The following FRMD1 variants were observed in gnomAD, a reference collection of about 807,000 sequenced individuals.
FRMD1 encodes FERM domain-containing protein 1.
FRMD1 carries 51 observed loss-of-function variants against 54.9 expected under a neutral mutation model. The observed-to-expected ratio is 0.93, with a 90% confidence interval of 0.74 to 1.17. FRMD1 has a LOEUF of 1.17. FRMD1 is among the 50% of genes most tolerant of loss of function. The pLI, the probability that FRMD1 is intolerant of heterozygous loss-of-function variation, is 0.00. For missense variants in FRMD1, 729 were observed against 743.0 expected, an observed-to-expected ratio of 0.98 and a Z score of 0.22; for synonymous variants, 324 against 306.4, an observed-to-expected ratio of 1.06 and a Z score of -0.60.
upstream of FRMD1, chr6:168,081,370 C>A (rs772786333): frequency 3.3e-6 from 5 of 1,534,166 alleles, no homozygotes; most frequent in African/African-American, 1.4e-5. Context: ...TCTCGACTGG[C>A]CTGTTCGTGA....
At chr6:168,079,264 C>G, upstream of FRMD1, 1 of 1,307,004 alleles carries the variant, frequency 7.7e-7, no homozygotes. Flanking sequence ...GGACAAGGGT[C>G]AGAGCTGCAA....
intron 5 of FRMD1, 120 bp downstream of exon 5, chr6:168,064,751 T>C (rs1328353004): frequency 2.1e-6 from 3 of 1,456,582 alleles, no homozygotes; most frequent in Non-Finnish European, 2.7e-6. Context: ...TTTCCATCCC[T>C]GACCCTTGCT....
intron 1 of FRMD1, among the ~76,000 whole-genome samples, chr6:168,091,543 C>T (rs1056136869): frequency 2.0e-5 from 3 of 152,214 alleles, no homozygotes; most frequent in Non-Finnish European, 4.4e-5. Flanking sequence ...GCGTCCTCGC[C>T]CTACAGAGCA....
chr6:168,067,328 G>C (rs780847536), intron 3 of FRMD1, 39 bp downstream of exon 3: 1 of 1,357,384 alleles, frequency 7.4e-7, no homozygotes, highest in South Asian at 1.3e-5. Flanking sequence ...ACAGCCCACC[G>C]CGGTGCCTGC....
In FRMD1 at chr6:168,079,181, C is replaced by T. The variant is rs1583208767; in HGVS notation, c.-87G>A. The T allele has an allele frequency of 7.0e-7, 1 of 1,433,568 alleles. No homozygotes were observed. The allele number at this position is 1,433,568 out of a possible 1,614,324, so 88.8% of individuals were successfully genotyped here. On this transcript the variant is annotated 5_prime_UTR_variant, in exon 1 of 11. Coordinates refer to ENST00000283309, the MANE Select transcript of FRMD1 (RefSeq NM_024919.6). Reference sequence around the variant, plus strand: ...TCACAGCTGTGCTTTCCGGGACCCGCCCTTGCCGAGCTTCTCACTGGGAAG... The same window carrying T: ...TCACAGCTGTGCTTTCCGGGACCCGTCCTTGCCGAGCTTCTCACTGGGAAG...
intron 2 of FRMD1, among the ~76,000 whole-genome samples, chr6:168,071,010 G>A (rs1269748629): frequency 6.6e-6 from 1 of 152,208 alleles, no homozygotes; most frequent in Non-Finnish European, 1.5e-5. Flanking sequence ...GTCCACAGGT[G>A]CCTGTTGATT....
chr6:168,068,478 T>A (rs1475141578), intron 2 of FRMD1, among the ~76,000 whole-genome samples: 5 of 152,290 alleles, frequency 3.3e-5, no homozygotes, highest in African/African-American at 1.2e-4. Context: ...CCTATGCACA[T>A]CCTCATGTAC....
chr6:168,060,666 G>C (rs573588637), intron 9 of FRMD1, 95 bp downstream of exon 9: 1 of 1,316,486 alleles, frequency 7.6e-7, no homozygotes, highest in African/African-American at 1.4e-5. Flanking sequence ...GGGCAGGCCA[G>C]GGCTTTGCTG....
chr6:168,073,997 A>G (rs749510), intron 2 of FRMD1, among the ~76,000 whole-genome samples: 8,537 of 152,060 alleles, frequency 0.056, 292 homozygotes, highest in East Asian at 0.088. Flanking sequence ...TGCCCCATGT[A>G]GCCTCCCTCG....
intron 1 of FRMD1, among the ~76,000 whole-genome samples, chr6:168,076,470 T>C (rs759603628): frequency 2.1e-4 from 32 of 152,232 alleles, no homozygotes; most frequent in Non-Finnish European, 3.7e-4. Context: ...GGGAGGTGAC[T>C]GAATCACGGG....
At chr6:168,075,195 C>T in intron 2 of FRMD1, 50 bp downstream of exon 2, 1 of 1,522,574 alleles carries the variant, frequency 6.6e-7, no homozygotes, top group South Asian at 1.1e-5. Flanking sequence ...TGACCTCCAG[C>T]AGATGCGGCC....
In FRMD1 at chr6:168,075,274, G is replaced by A. The variant is rs753119479; in HGVS notation, c.275C>T (p.Ala92Val). 1.1e-5 allele frequency: 17 copies of A among 1,613,656 alleles called. No homozygotes were observed. Among genetic ancestry groups the A allele is most frequent in the African/African-American group, 5.3e-5 (4 of 74,920 alleles). The change falls in exon 2 of 11, where the codon GCG becomes GTG. Residue 92 changes from alanine (A) to valine (V), a missense_variant. Physicochemically the swap from Ala to Val is moderately conservative, Grantham distance 64 (BLOSUM62 0). Transcript: ENST00000283309. The stretch of plus-strand genomic sequence containing the variant: ...GACCACACAGAGGCCAAAGAACTGC[G>A]CGTCTCTGATGCTCGCCACGTTGCA... ...QVCNVASIRD[A>V]QFFGLCVVRN...
At chr6:168,078,775 CTCACCCCCACGGCCACCCAGGGCCCT>C in intron 1 of FRMD1, 81 bp downstream of exon 1, 3 of 80,878 alleles carry the variant, frequency 3.7e-5, no homozygotes, top group Non-Finnish European at 5.9e-5. Flanking sequence ...CAGGGCCCTG[CTCACCCCCACGGCCACCCAGGGCCCT>C]GCTCACCCCC....
At chr6:168,082,442 A>G (rs1320193586), upstream of FRMD1, among the ~76,000 whole-genome samples, 3 of 152,212 alleles carry the variant, frequency 2.0e-5, no homozygotes, top group Non-Finnish European at 2.9e-5. Context: ...GTCTGCTGGA[A>G]GGAGCCCAGG....
rs530530867 is a variant in FRMD1, at chr6:168,091,224, C to G, written c.-12+10201G>C. On this transcript the variant is annotated intron_variant, in intron 1 of 12. Transcript: ENST00000644440. The stretch of plus-strand genomic sequence containing the variant: ...CAGCCGATAATAAAAGGCCAAGGAG[C>G]CCCGGGGCTGGAGACCCTGCAGTGT... Among the ~76,000 whole-genome samples, 3 of 152,352 alleles carry G rather than the reference C, an allele frequency of 2.0e-5. No homozygotes were observed. The East Asian group carries it at 5.8e-4, about 29-fold the overall frequency.
intron 1 of FRMD1, among the ~76,000 whole-genome samples, chr6:168,076,135 G>A (rs917683148): frequency 2.0e-5 from 3 of 152,188 alleles, no homozygotes; most frequent in South Asian, 4.1e-4. Context: ...AGGCAGAATC[G>A]CAGGGCGCCA....
intron 4 of FRMD1, chr6:168,065,589 G>T: frequency 1.0e-6 from 1 of 986,752 alleles, no homozygotes; most frequent in Non-Finnish European, 1.2e-6. Context: ...GCACCAGGTA[G>T]CTCCATCCAT....
At chr6:168,069,730 C>T (rs537786887) in intron 2 of FRMD1, among the ~76,000 whole-genome samples, 26 of 152,184 alleles carry the variant, frequency 1.7e-4, no homozygotes, top group Non-Finnish European at 2.4e-4. Context: ...GAGAACAATA[C>T]TTGCGGCAAC....
chr6:168,063,051 G>A, intron 6 of FRMD1, 92 bp from the exon 7 acceptor site: 1 of 1,064,720 alleles, frequency 9.4e-7, no homozygotes, highest in Non-Finnish European at 1.5e-6. Flanking sequence ...AGGGGCCGAG[G>A]GCTCCATGGA....
Sources: gnomAD v4.1 joint callset for allele counts (sites outside exome capture counted in the v4.1 genomes callset) on GRCh38, gnomAD v4.1.1 for gene constraint, MANE v1.5 for transcripts, NCBI Gene and HGNC (gene_info 2026-07-23, HGNC 2026-07-21) for gene names.